ABLIM1: variants seen among roughly 807,000 people sequenced by gnomAD.
ABLIM1 encodes the protein actin-binding LIM protein 1.
ABLIM1 carries 40 observed loss-of-function variants against 107.0 expected under a neutral mutation model. That is an observed-to-expected ratio of 0.37 (90% CI 0.29 to 0.49). The LOEUF (loss-of-function observed/expected upper bound fraction) is 0.49, where lower values mean the gene tolerates loss of function less well. ABLIM1 is among the 20% of genes least tolerant of loss of function. ABLIM1 has a pLI of 0.97. For synonymous variants in ABLIM1, 357 were observed against 357.3 expected, an observed-to-expected ratio of 1.00 and a Z score of 0.01; for missense variants, 857 against 1,008.5, an observed-to-expected ratio of 0.85 and a Z score of 2.04.
chr10:114,786,195 G>A, the ABLIM1 span, among the ~76,000 whole-genome samples: 1 of 152,084 alleles, frequency 6.6e-6, no homozygotes, highest in African/African-American at 2.4e-5. Flanking sequence ...AAATCCAAGA[G>A]TATTTATGGT....
At chr10:114,755,292 T>G (rs577224061) in intron 1 of ABLIM1, among the ~76,000 whole-genome samples, 1 of 152,308 alleles carries the variant, frequency 6.6e-6, no homozygotes, top group African/African-American at 2.4e-5. Flanking sequence ...AGTTTCATCC[T>G]GAAACCATTC....
In ABLIM1 at chr10:114,491,012, G is replaced by GTGTGTGTGTGTGTGTATGTATATATATA; in HGVS notation, c.982+778_982+779insTATATATATACATACACACACACACACA. On this transcript the variant is annotated intron_variant, in intron 7 of 22. Coordinates refer to ENST00000533213, the MANE Select transcript of ABLIM1 (RefSeq NM_002313.7). Reference sequence around the variant, plus strand: ...TGTGTGTGTGTGTGTGTGTGTGTGTGTATATATATATATGGTCTATTTTAT... The same window carrying GTGTGTGTGTGTGTGTATGTATATATATA: ...TGTGTGTGTGTGTGTGTGTGTGTGTGTGTGTGTGTGTGTGTATGTATATATATATATATATATATATGGTCTATTTTAT... Among the ~76,000 whole-genome samples the GTGTGTGTGTGTGTGTATGTATATATATA allele has an allele frequency of 8.1e-4, 75 of 92,388 alleles. 3 individuals carry two copies. The highest frequency in any genetic ancestry group is 3.2e-3 in the African/African-American group (69 of 21,702). The allele number at this position is 92,388 out of a possible 152,430, so 60.6% of individuals were successfully genotyped here.
At chr10:114,704,294 CTCTCTCTCTATATA>C (rs1418255714) in intron 1 of ABLIM1, among the ~76,000 whole-genome samples, 5 of 28,462 alleles carry the variant, frequency 1.8e-4, no homozygotes, top group African/African-American at 3.9e-4. Flanking sequence ...CTCTCTCTCT[CTCTCTCTCTATATA>C]TATATATATA....
At chr10:114,667,671 T>C (rs1190499895) in intron 1 of ABLIM1, among the ~76,000 whole-genome samples, 11 of 152,238 alleles carry the variant, frequency 7.2e-5, no homozygotes, top group Admixed American at 7.2e-4. Flanking sequence ...TCTGTGCTCC[T>C]TCCCAGTCAA....
intron 7 of ABLIM1, 140 bp downstream of exon 7, chr10:114,491,651 C>T (rs2059013693): frequency 2.8e-6 from 2 of 720,300 alleles, no homozygotes; most frequent in Non-Finnish European, 2.3e-6. Flanking sequence ...GATGAGGTAA[C>T]TTTTGGCCAT....
chr10:114,433,445 G>A lies in ABLIM1; in HGVS notation c.*2815C>T, dbSNP rs945444231. 1.4e-4 allele frequency: 21 copies of A among 152,204 alleles called. No homozygotes were observed. The highest frequency in any genetic ancestry group is 4.8e-4 in the African/African-American group (20 of 41,448). 9.4% of individuals were successfully genotyped at this position (152,204 alleles called of 1,614,324 possible). A position where few individuals can be genotyped will look rare whatever the true frequency, so the allele number is the denominator to read the frequency against. On this transcript the variant is annotated 3_prime_UTR_variant, in exon 23 of 23. Coordinates refer to ENST00000533213, the MANE Select transcript of ABLIM1 (RefSeq NM_002313.7). The stretch of plus-strand genomic sequence containing the variant: ...GAGTAGGGGGCCCACTCTGCATTAT[G>A]GTTTCCAATGACCCCTCCCCAGAGC...
intron 1 of ABLIM1, among the ~76,000 whole-genome samples, chr10:114,663,937 C>T (rs1016412809): frequency 1.3e-5 from 2 of 152,170 alleles, no homozygotes; most frequent in African/African-American, 2.4e-5. Context: ...CAGAGAGAAG[C>T]GTTTCTAATG....
chr10:114,494,551 A>AAACAACAAC (rs573252074), intron 6 of ABLIM1, among the ~76,000 whole-genome samples: 1 of 151,916 alleles, frequency 6.6e-6, no homozygotes, highest in Non-Finnish European at 1.5e-5. Context: ...AAACCAAACC[A>AAACAACAAC]AACAACAACA....
At chr10:114,725,516 T>C (rs2081939356) in intron 1 of ABLIM1, among the ~76,000 whole-genome samples, 1 of 151,578 alleles carries the variant, frequency 6.6e-6, no homozygotes, top group African/African-American at 2.4e-5. Flanking sequence ...GTGCGTAGAG[T>C]ATGGTCGCTT....
intron 11 of ABLIM1, among the ~76,000 whole-genome samples, chr10:114,466,137 C>T (rs939788856): frequency 6.6e-6 from 1 of 151,836 alleles, no homozygotes. Flanking sequence ...GCCAGGAGTT[C>T]GAGAACAGCC....
intron 1 of ABLIM1, chr10:114,684,225 A>T (rs1405548182): frequency 6.6e-7 from 1 of 1,514,828 alleles, no homozygotes; most frequent in Non-Finnish European, 9.0e-7. Flanking sequence ...ATCTTTCCTC[A>T]TCTTTAAAGA....
chr10:114,647,058 C>T (rs903801292), intron 1 of ABLIM1, among the ~76,000 whole-genome samples: 4 of 152,106 alleles, frequency 2.6e-5, no homozygotes, highest in African/African-American at 9.7e-5. Context: ...TGCAGTGGCA[C>T]GATCTTGGCT....
intron 1 of ABLIM1, chr10:114,632,109 C>G (rs373416574): frequency 1.0e-6 from 1 of 985,246 alleles, no homozygotes; most frequent in Admixed American, 6.1e-5. Flanking sequence ...CCATGCCCGC[C>G]CCGCTATCGC....
intron 13 of ABLIM1, among the ~76,000 whole-genome samples, 153 bp from the exon 14 acceptor site, chr10:114,451,824 G>A (rs1284733162): frequency 1.3e-5 from 2 of 152,118 alleles, no homozygotes; most frequent in African/African-American, 2.4e-5. Context: ...TTTATTGAAA[G>A]AAAAATTATA....
At chr10:114,616,985 G>A (rs2077165406) in intron 1 of ABLIM1, among the ~76,000 whole-genome samples, 1 of 152,228 alleles carries the variant, frequency 6.6e-6, no homozygotes, top group Admixed American at 6.5e-5. Context: ...AAACAGGCAA[G>A]CTGGATTCAA....
chr10:114,520,318 C>G (rs536480601), intron 6 of ABLIM1, among the ~76,000 whole-genome samples: 28 of 152,224 alleles, frequency 1.8e-4, no homozygotes, highest in African/African-American at 6.7e-4. Flanking sequence ...TCACAAACAC[C>G]GGTGTCAAGG....
intron 1 of ABLIM1, among the ~76,000 whole-genome samples, chr10:114,603,953 CAAAAAAAA>C (rs56037072): frequency 7.6e-6 from 1 of 131,374 alleles, no homozygotes; most frequent in Non-Finnish European, 1.6e-5. Flanking sequence ...GACTTTGTCT[CAAAAAAAA>C]AAAAAAAAAA....
rs2081451866 is a variant in ABLIM1, at chr10:114,707,686, G to T, written c.-213+60375C>A. 6.6e-6 allele frequency among the ~76,000 whole-genome samples: 1 copy of T among 152,088 alleles called. No individual in the cohort carries two copies. The highest frequency in any genetic ancestry group is 6.6e-5 in the Admixed American group (1 of 15,264). ...AGGCCGTGGTGGGCGGATCACTTAA[G>T]GCCAGGAGTTCGAGACCAACCTGGA... On this transcript the variant is annotated intron_variant, in intron 1 of 15. Coordinates refer to the ABLIM1 transcript ENST00000651092. The surrounding 1 kb of genome is among the most constrained non-coding windows in gnomAD (Gnocchi z 4.1).
At chr10:114,631,974 G>C in intron 1 of ABLIM1, 2 of 1,302,410 alleles carry the variant, frequency 1.5e-6, no homozygotes, top group Non-Finnish European at 2.0e-6. Context: ...TAAACTCTGG[G>C]AGTGGAAGCG....
Sources: allele counts gnomAD v4.1 joint callset (sites outside exome capture counted in the v4.1 genomes callset), GRCh38; gene constraint gnomAD v4.1.1; non-coding constraint Gnocchi (gnomAD v3.1); transcripts MANE v1.5; gene names NCBI Gene and HGNC (gene_info 2026-07-23, HGNC 2026-07-21).